Variants in HORMAD2 observed in about 807,000 individuals in gnomAD.
HORMAD2 encodes HORMA domain-containing protein 2.
In HORMAD2, 45 loss-of-function variants were observed where a neutral mutation model predicts 38.8. The observed-to-expected ratio is 1.16, with a 90% CI of 0.91 to 1.49. The LOEUF is 1.49. Ranked by LOEUF, HORMAD2 falls within the 40% of genes most tolerant of loss-of-function variation. HORMAD2 has a pLI of 0.00. For missense variants in HORMAD2, 338 were observed against 367.0 expected (o/e 0.92, Z 0.65); for synonymous variants, 126 against 122.8 (o/e 1.03, Z -0.17).
At chr22:30,181,347 C>A (rs1385834339), downstream of HORMAD2, among the ~76,000 whole-genome samples, 1 of 152,014 alleles carries the variant, frequency 6.6e-6, no homozygotes, top group African/African-American at 2.4e-5. Context: ...CTACCCAGAG[C>A]TCCTACATCA....
rs145827435 is a variant in HORMAD2 at position 30,132,841 on chromosome 22, G to A, written c.819+10627G>A. On this transcript the variant is annotated intron_variant, in intron 10 of 10. Coordinates refer to ENST00000336726, the MANE Select transcript of HORMAD2 (RefSeq NM_152510.4). ...GTAGGAAGAGCCACACTGATTATCT[G>A]TATATGTTTCACTCACATTAAAGAA... Among the ~76,000 whole-genome samples, 368 of 152,008 alleles carry A rather than the reference G, an allele frequency of 2.4e-3. 2 individuals are homozygous for A. Among genetic ancestry groups the A allele is most frequent in the African/African-American group, 8.4e-3 (350 of 41,456 alleles).
intron 5 of HORMAD2, among the ~76,000 whole-genome samples, chr22:30,106,664 T>A (rs973478173): frequency 6.6e-6 from 1 of 152,168 alleles, no homozygotes; most frequent in Non-Finnish European, 1.5e-5. Flanking sequence ...TAGTTAGAAC[T>A]TCAAGTTTTG....
At chr22:30,152,446 C>A (rs1398798573) in intron 10 of HORMAD2, among the ~76,000 whole-genome samples, 3 of 152,036 alleles carry the variant, frequency 2.0e-5, no homozygotes, top group African/African-American at 7.2e-5. Flanking sequence ...CCTGACTCAG[C>A]CTCCCAAGAA....
chr22:30,198,024 T>A, the HORMAD2 span, among the ~76,000 whole-genome samples: 2 of 150,696 alleles, frequency 1.3e-5, no homozygotes, highest in South Asian at 2.1e-4. Flanking sequence ...AAAAATATAT[T>A]AAAAAAAAAA....
chr22:30,117,264 A>G (rs1922110716), intron 7 of HORMAD2, among the ~76,000 whole-genome samples: 1 of 152,046 alleles, frequency 6.6e-6, no homozygotes, highest in Non-Finnish European at 1.5e-5. Flanking sequence ...TCATTTTCAC[A>G]TTGTCAAGGA....
the HORMAD2 span, among the ~76,000 whole-genome samples, chr22:30,198,220 T>C: frequency 3.3e-5 from 5 of 152,152 alleles, no homozygotes; most frequent in Non-Finnish European, 7.4e-5. Flanking sequence ...TGACAGTAAA[T>C]ATGCTAAAGA....
chr22:30,160,041 A>T (rs1863654026), intron 10 of HORMAD2, among the ~76,000 whole-genome samples: 1 of 152,010 alleles, frequency 6.6e-6, no homozygotes, highest in African/African-American at 2.4e-5. Flanking sequence ...ACATTCTTAC[A>T]GCCTACTGCT....
chr22:30,118,884 G>A, intron 7 of HORMAD2, 96 bp from the exon 8 acceptor site: 1 of 759,420 alleles, frequency 1.3e-6, no homozygotes, highest in Non-Finnish European at 2.3e-6. Context: ...AAGTACAGTA[G>A]ATATACAGTG....
intron 10 of HORMAD2, among the ~76,000 whole-genome samples, chr22:30,144,882 A>G (rs377622629): frequency 1.4e-4 from 21 of 152,282 alleles, no homozygotes; most frequent in African/African-American, 4.8e-4. Context: ...AGGCAAGAAG[A>G]AAAATACTAA....
At chr22:30,171,478 T>C (rs965828150) in intron 10 of HORMAD2, among the ~76,000 whole-genome samples, 1 of 152,150 alleles carries the variant, frequency 6.6e-6, no homozygotes, top group African/African-American at 2.4e-5. Context: ...TCCTCCTGAC[T>C]CTACCTGCCA....
At chr22:30,183,702 G>A in the HORMAD2 span, among the ~76,000 whole-genome samples, 1 of 152,192 alleles carries the variant, frequency 6.6e-6, no homozygotes, top group Admixed American at 6.5e-5. Flanking sequence ...GTGATCATAT[G>A]TAAAAATAAT....
chr22:30,104,264 A>C, intron 4 of HORMAD2, 137 bp from the exon 5 acceptor site: 4 of 701,782 alleles, frequency 5.7e-6, no homozygotes, highest in Non-Finnish European at 7.5e-6. Flanking sequence ...AAGTTTAAAA[A>C]AATGATTAAA....
Position 30,098,838 on chromosome 22 carries a change from CGTT to C in HORMAD2, c.52-10_52-8del. ...AATAATACTAATCTTTTTTCACCTC[CGTT>C]GTTTTTCCAGGAAACAGTTTTCCCA... On this transcript the variant is annotated splice_polypyrimidine_tract_variant and intron_variant, in intron 2 of 10. Transcript: ENST00000336726. The C allele has an allele frequency of 6.2e-7, 1 of 1,603,544 alleles. No individual in the cohort carries two copies. The highest frequency in any genetic ancestry group is 8.5e-7 in the Non-Finnish European group (1 of 1,174,902).
chr22:30,161,116 C>G (rs749465393), intron 10 of HORMAD2, among the ~76,000 whole-genome samples: 2 of 152,198 alleles, frequency 1.3e-5, no homozygotes, highest in Non-Finnish European at 2.9e-5. Flanking sequence ...TAAGTGTTAT[C>G]TACTTTGGTC....
chr22:30,151,221 T>G (rs1924728527), intron 10 of HORMAD2, among the ~76,000 whole-genome samples: 2 of 152,222 alleles, frequency 1.3e-5, no homozygotes, highest in African/African-American at 4.8e-5. Context: ...TTGTTCTTTC[T>G]TTCTGTTTGT....
chr22:30,102,804 A>G (rs1920960426), intron 3 of HORMAD2, among the ~76,000 whole-genome samples: 3 of 151,630 alleles, frequency 2.0e-5, no homozygotes, highest in African/African-American at 7.3e-5. Context: ...TTTTTTAATT[A>G]TTTTTTTTAG....
chr22:30,146,233 C>G (rs1924405468), intron 10 of HORMAD2, among the ~76,000 whole-genome samples: 2 of 152,186 alleles, frequency 1.3e-5, no homozygotes, highest in South Asian at 4.1e-4. Context: ...TGGCTCATGC[C>G]TGTAATCCTA....
chr22:30,175,509 G>A (rs932636357), intron 10 of HORMAD2, among the ~76,000 whole-genome samples: 3 of 151,172 alleles, frequency 2.0e-5, no homozygotes, highest in Admixed American at 1.3e-4. Context: ...GCAAAAATAA[G>A]TTCTAAAATC....
At chr22:30,195,518 A>G in the HORMAD2 span, among the ~76,000 whole-genome samples, 3 of 152,188 alleles carry the variant, frequency 2.0e-5, no homozygotes, top group Non-Finnish European at 2.9e-5. Flanking sequence ...AGGTCTCCCA[A>G]CCCTCAGGCC....
Sources: allele counts gnomAD v4.1 joint callset (sites outside exome capture counted in the v4.1 genomes callset), GRCh38; gene constraint gnomAD v4.1.1; transcripts MANE v1.5; gene names NCBI Gene and HGNC (gene_info 2026-07-23, HGNC 2026-07-21).